The following HAO1 variants were observed in gnomAD, a reference collection of about 807,000 sequenced individuals.
HAO1 encodes 2-Hydroxyacid oxidase 1.
HAO1 carries 34 observed loss-of-function variants against 39.7 expected under a neutral mutation model. The observed-to-expected ratio is 0.86, with a 90% confidence interval of 0.65 to 1.14. HAO1 has a LOEUF of 1.14. Among genes scored for constraint, HAO1 ranks in the 50% most tolerant of loss-of-function variants. HAO1 has a pLI of 0.00. For synonymous variants in HAO1, 172 were observed against 173.2 expected, an observed-to-expected ratio of 0.99 and a Z score of 0.05; for missense variants, 479 against 464.5, an observed-to-expected ratio of 1.03 and a Z score of -0.29.
intron 2 of HAO1, among the ~76,000 whole-genome samples, chr20:7,927,421 T>C (rs1396377500): frequency 2.0e-5 from 3 of 152,176 alleles, no homozygotes; most frequent in African/African-American, 7.2e-5. Flanking sequence ...TTCAAACGGA[T>C]GTGCCATTAT....
intron 5 of HAO1, among the ~76,000 whole-genome samples, chr20:7,890,515 G>GTTAT (rs1449146193): frequency 6.6e-6 from 1 of 151,936 alleles, no homozygotes; most frequent in Non-Finnish European, 1.5e-5. Context: ...TACCCAGCTG[G>GTTAT]TTATTGTCTT....
intron 4 of HAO1, among the ~76,000 whole-genome samples, chr20:7,898,726 A>C (rs1280473893): frequency 6.6e-6 from 1 of 152,114 alleles, no homozygotes; most frequent in Non-Finnish European, 1.5e-5. Flanking sequence ...TTTTGCCTCT[A>C]TTTCATTTTA....
rs537873601 is a variant in HAO1, at chr20:7,926,480, A to G, written c.289+8004T>C. Among the ~76,000 whole-genome samples, 235 of 152,312 alleles carry G rather than the reference A, an allele frequency of 1.5e-3. 1 individual carries two copies. The highest frequency in any genetic ancestry group is 5.5e-3 in the African/African-American group (229 of 41,570). On this transcript the variant is annotated intron_variant, in intron 2 of 7. Transcript: ENST00000378789. ...GTCGCCTAGCACAACACATAAATAT[A>G]TAAATCAATAAAGCTTTCAAAAAAT... is the stretch of plus-strand genomic sequence containing the variant.
intron 4 of HAO1, among the ~76,000 whole-genome samples, chr20:7,903,858 CGGT>C (rs10585629): frequency 0.28 from 15,792 of 57,216 alleles, 1,487 homozygotes; most frequent in East Asian, 0.62. Flanking sequence ...ATTGTGGTAG[CGGT>C]GGTGGTGGTG....
intron 4 of HAO1, among the ~76,000 whole-genome samples, chr20:7,901,296 G>A (rs1043950544): frequency 1.3e-5 from 2 of 152,102 alleles, no homozygotes; most frequent in African/African-American, 2.4e-5. Flanking sequence ...GATTAAACAG[G>A]CTGTATGGCA....
chr20:7,883,404 G>T lies in HAO1; in HGVS notation c.*189C>A. ...ATGAAAGTCCATTTCTTTCTAAAAG[G>T]TTCCTAGGACACCCATTGAAAAGTC... On this transcript the variant is annotated 3_prime_UTR_variant, in exon 8 of 8. Transcript: ENST00000378789. The T allele has an allele frequency of 3.5e-6, 2 of 574,072 alleles. No individual in the cohort carries two copies. Among genetic ancestry groups the T allele is most frequent in the Non-Finnish European group, 6.3e-6 (2 of 319,914 alleles). 35.6% of individuals were successfully genotyped at this position (574,072 alleles called of 1,614,324 possible).
chr20:7,936,554 G>GTGTGTGTGTGTGTT (rs1568522216), intron 1 of HAO1, among the ~76,000 whole-genome samples: 2 of 147,738 alleles, frequency 1.4e-5, no homozygotes, highest in East Asian at 4.1e-4. Flanking sequence ...GTGTTCGCGC[G>GTGTGTGTGTGTGTT]CGCGCGCGCG....
chr20:7,904,391 A>T (rs2050237871), intron 4 of HAO1, among the ~76,000 whole-genome samples: 1 of 152,210 alleles, frequency 6.6e-6, no homozygotes, highest in African/African-American at 2.4e-5. Flanking sequence ...TTCTCTGATC[A>T]AGACACTTCA....
intron 1 of HAO1, among the ~76,000 whole-genome samples, chr20:7,937,636 C>T (rs1226026435): frequency 6.6e-6 from 1 of 151,812 alleles, no homozygotes; most frequent in African/African-American, 2.4e-5. Flanking sequence ...GTTTAATCAT[C>T]TTCCATCATT....
chr20:7,912,627 G>A (rs577829062), intron 3 of HAO1, among the ~76,000 whole-genome samples: 1 of 151,814 alleles, frequency 6.6e-6, no homozygotes, highest in Non-Finnish European at 1.5e-5. Context: ...GTAAATACGG[G>A]ATTCATATTG....
intron 2 of HAO1, among the ~76,000 whole-genome samples, chr20:7,924,633 C>G (rs1017855869): frequency 2.0e-5 from 3 of 152,016 alleles, no homozygotes; most frequent in African/African-American, 7.2e-5. Flanking sequence ...TACCTAGATT[C>G]AAGCAGAACA....
chr20:7,889,127 T>TA (rs2050162995), intron 5 of HAO1, among the ~76,000 whole-genome samples: 1 of 152,164 alleles, frequency 6.6e-6, no homozygotes, highest in Non-Finnish European at 1.5e-5. Context: ...AGTGGTTTGT[T>TA]ACACAGCAAA....
chr20:7,904,102 T>G (rs1305904774), intron 4 of HAO1, among the ~76,000 whole-genome samples: 1 of 152,194 alleles, frequency 6.6e-6, no homozygotes. Flanking sequence ...GTTCCTTATT[T>G]GAAACAATTA....
chr20:7,897,277 G>A (rs1298056536), intron 4 of HAO1, among the ~76,000 whole-genome samples: 6 of 152,090 alleles, frequency 3.9e-5, no homozygotes, highest in South Asian at 4.2e-4. Flanking sequence ...CATAAGGAAC[G>A]TGATAAGTTG....
At chr20:7,938,173 A>T (rs182601275) in intron 1 of HAO1, among the ~76,000 whole-genome samples, 1 of 152,284 alleles carries the variant, frequency 6.6e-6, no homozygotes, top group East Asian at 1.9e-4. Flanking sequence ...GATTTCCTTC[A>T]TGCCATCAAC....
At chr20:7,897,829 A>C (rs909768925) in intron 4 of HAO1, among the ~76,000 whole-genome samples, 4 of 152,150 alleles carry the variant, frequency 2.6e-5, no homozygotes, top group African/African-American at 9.7e-5. Flanking sequence ...AGTGATGCTA[A>C]ATTTTCCATT....
chr20:7,921,009 G>A (rs1488104807), intron 2 of HAO1, among the ~76,000 whole-genome samples: 2 of 151,554 alleles, frequency 1.3e-5, no homozygotes, highest in African/African-American at 4.8e-5. Context: ...GACAACACAG[G>A]TATTGGGAGA....
chr20:7,884,440 A>G (rs1299256998), intron 7 of HAO1, among the ~76,000 whole-genome samples: 1 of 152,228 alleles, frequency 6.6e-6, no homozygotes, highest in African/African-American at 2.4e-5. Context: ...TGGAAAAGAA[A>G]ACTGGAGTCG....
At chr20:7,937,101 G>A (rs981276024) in intron 1 of HAO1, among the ~76,000 whole-genome samples, 4 of 152,028 alleles carry the variant, frequency 2.6e-5, no homozygotes, top group Non-Finnish European at 5.9e-5. Context: ...GCGGGGTAAC[G>A]GGGAGAATCT....
Sources: allele counts gnomAD v4.1 joint callset (sites outside exome capture counted in the v4.1 genomes callset), GRCh38; gene constraint gnomAD v4.1.1; transcripts MANE v1.5; gene names NCBI Gene and HGNC (gene_info 2026-07-23, HGNC 2026-07-21).